COL4A4: variants seen among roughly 807,000 people sequenced by gnomAD.
COL4A4 encodes collagen alpha-4(IV) chain.
In COL4A4, 105 loss-of-function variants were observed where a neutral mutation model predicts 192.9. The observed-to-expected ratio is 0.54, with a 90% CI of 0.46 to 0.64. The LOEUF (loss-of-function observed/expected upper bound fraction) is 0.64, where lower values mean the gene tolerates loss of function less well. Ranked by LOEUF, COL4A4 falls within the 30% of genes least tolerant of loss-of-function variation. The probability of loss-of-function intolerance (pLI) is 0.00; values close to 1 mark genes in which losing one functional copy is unlikely to be tolerated. For missense variants in COL4A4, 1,967 were observed against 2,169.3 expected, an observed-to-expected ratio of 0.91 and a Z score of 1.85; for synonymous variants, 762 against 769.9, an observed-to-expected ratio of 0.99 and a Z score of 0.17.
chr2:227,050,177 A>G, intron 33 of COL4A4, 46 bp from the exon 34 acceptor site: 1 of 1,519,278 alleles, frequency 6.6e-7, no homozygotes, highest in Non-Finnish European at 9.1e-7. Flanking sequence ...TTTCAAATAC[A>G]AATGGCACAT....
At chr2:227,104,296 C>T (rs1021540900) in intron 12 of COL4A4, 9 of 427,078 alleles carry the variant, frequency 2.1e-5, no homozygotes, top group Non-Finnish European at 3.9e-5. Flanking sequence ...CAGGGCCAGG[C>T]GCGGTGGCTC....
At chr2:227,072,150 A>G (rs2058759487) in intron 25 of COL4A4, among the ~76,000 whole-genome samples, 1 of 152,068 alleles carries the variant, frequency 6.6e-6, no homozygotes, top group Non-Finnish European at 1.5e-5. Context: ...TCAATAGACC[A>G]TTAGCTAGAT....
At chr2:226,986,561 C>T in the COL4A4 span, among the ~76,000 whole-genome samples, 1 of 152,088 alleles carries the variant, frequency 6.6e-6, no homozygotes, top group Non-Finnish European at 1.5e-5. Context: ...ATTTATGTGG[C>T]CAAGAAGCAT....
rs1350354171 is a variant in COL4A4 at position 227,025,816 on chromosome 2, G to A, written c.4082-6C>T. Reference sequence around the variant, plus strand: ...GCAAAGCTTACCTCTGGGACCTAGAGGGATCCAAAGACAACAAACGAGGCC... The same window carrying A: ...GCAAAGCTTACCTCTGGGACCTAGAAGGATCCAAAGACAACAAACGAGGCC... On this transcript the variant is annotated splice_region_variant and splice_polypyrimidine_tract_variant and intron_variant, in intron 42 of 47. Coordinates refer to ENST00000396625, the MANE Select transcript of COL4A4 (RefSeq NM_000092.5). 3 of 1,613,052 alleles carry A rather than the reference G, an allele frequency of 1.9e-6. No homozygotes were observed. The highest frequency in any genetic ancestry group is 2.5e-6 in the Non-Finnish European group (3 of 1,179,428).
intron 43 of COL4A4, among the ~76,000 whole-genome samples, chr2:227,024,960 CAGAG>C (rs931573767): frequency 6.6e-6 from 1 of 152,304 alleles, no homozygotes; most frequent in Non-Finnish European, 1.5e-5. Context: ...CATACAATCA[CAGAG>C]AGACAGGATT....
chr2:226,985,618 G>A, the COL4A4 span, among the ~76,000 whole-genome samples: 1 of 152,250 alleles, frequency 6.6e-6, no homozygotes, highest in Non-Finnish European at 1.5e-5. Flanking sequence ...AAAGGCTGAT[G>A]TACATCGGAG....
intron 12 of COL4A4, among the ~76,000 whole-genome samples, chr2:227,108,122 T>G (rs1363330634): frequency 6.6e-6 from 1 of 152,032 alleles, no homozygotes; most frequent in Non-Finnish European, 1.5e-5. Flanking sequence ...ACAGTGGGTG[T>G]GAGTGGCAGG....
At chr2:227,065,894 A>C (rs898451605) in intron 25 of COL4A4, among the ~76,000 whole-genome samples, 14 of 152,258 alleles carry the variant, frequency 9.2e-5, no homozygotes, top group East Asian at 5.8e-4. Context: ...TGACGAGCTG[A>C]GAGAAGAAGG....
rs2061900708 is a variant in COL4A4 at position 227,123,232 on chromosome 2, G to A, written c.193-2084C>T. On this transcript the variant is annotated intron_variant, in intron 4 of 47. Transcript: ENST00000396625. The surrounding 1 kb of genome is among the most constrained non-coding windows in gnomAD (Gnocchi z 4.6). Reference sequence around the variant, plus strand: ...CAGACACCAGGAGGGAGATGGGGCAGGAGCCCCGTAAAAATAGTGCAAGAA... The same window carrying A: ...CAGACACCAGGAGGGAGATGGGGCAAGAGCCCCGTAAAAATAGTGCAAGAA... 1.3e-5 allele frequency among the ~76,000 whole-genome samples: 2 copies of A among 152,198 alleles called. No homozygotes were observed. Among genetic ancestry groups the A allele is most frequent in the Non-Finnish European group, 2.9e-5 (2 of 68,036 alleles).
the COL4A4 span, among the ~76,000 whole-genome samples, chr2:226,987,164 C>G: frequency 6.6e-6 from 1 of 152,058 alleles, no homozygotes; most frequent in South Asian, 2.1e-4. Flanking sequence ...ACATCACAGA[C>G]CAGGGCCTGT....
At position 227,027,218 on chromosome 2, in the gene COL4A4, C is replaced by T. The variant is rs570664411; in HGVS notation, c.4081+684G>A. On this transcript the variant is annotated intron_variant, in intron 42 of 47. Transcript: ENST00000396625. ...AGTGAGCTGAGATCACACCACTGCACTCCAGCCTGGATGACAGAGCAAGAC... is the reference window on the plus strand; with the variant it reads ...AGTGAGCTGAGATCACACCACTGCATTCCAGCCTGGATGACAGAGCAAGAC... Among the ~76,000 whole-genome samples the T allele has an allele frequency of 8.8e-5, 13 of 147,858 alleles. No homozygotes were observed. In the Admixed American group the frequency reaches 8.9e-4, roughly 10 times the overall value.
rs1054199177 is a variant in COL4A4 at position 227,003,138 on chromosome 2, C to G, written c.*4187G>C. On this transcript the variant is annotated 3_prime_UTR_variant, in exon 48 of 48. Transcript: ENST00000396625. ...AACTTTGAGGATTGAAATGAAACAG[C>G]ATTCCCAATGACATTAAGAATTGGC... The G allele has an allele frequency of 6.6e-6, 1 of 152,146 alleles. No homozygotes were observed. Among genetic ancestry groups the G allele is most frequent in the Non-Finnish European group, 1.5e-5 (1 of 68,022 alleles). The allele number at this position is 152,146 out of a possible 1,614,324, so 9.4% of individuals were successfully genotyped here. A position where few individuals can be genotyped will look rare whatever the true frequency, so the allele number is the denominator to read the frequency against.
chr2:226,975,851 T>C, the COL4A4 span, among the ~76,000 whole-genome samples: 5 of 152,122 alleles, frequency 3.3e-5, no homozygotes, highest in South Asian at 2.1e-4. Flanking sequence ...TTGTCACCAA[T>C]AGATAGCAGG....
Position 227,039,796 on chromosome 2 carries a change from C to T in COL4A4, c.3505+2352G>A, listed in dbSNP as rs530537023. On this transcript the variant is annotated intron_variant, in intron 37 of 47. Coordinates refer to ENST00000396625, the MANE Select transcript of COL4A4 (RefSeq NM_000092.5). ...AGAGATGGTCAGAGACAGGAAATGG[C>T]CACAATCACCACAGAAACTTTCAAA... 2.0e-5 allele frequency among the ~76,000 whole-genome samples: 3 copies of T among 152,294 alleles called. No homozygotes were observed. In the South Asian group the frequency reaches 6.2e-4, roughly 32 times the overall value.
At chr2:227,104,258 AATGAAAAT>A in intron 12 of COL4A4, 1 of 577,762 alleles carries the variant, frequency 1.7e-6, no homozygotes. Flanking sequence ...AAATTTAAAA[AATGAAAAT>A]GATTCTTAAT....
chr2:226,967,749 C>G, the COL4A4 span, among the ~76,000 whole-genome samples: 1 of 151,894 alleles, frequency 6.6e-6, no homozygotes, highest in Non-Finnish European at 1.5e-5. Flanking sequence ...TGTCCACACC[C>G]CCAAGAGGCA....
intron 18 of COL4A4, 90 bp from the exon 19 acceptor site, chr2:227,098,888 G>A: frequency 3.9e-6 from 4 of 1,035,520 alleles, no homozygotes; most frequent in Non-Finnish European, 5.9e-6. Context: ...ACTCAGTAAA[G>A]TATAATTAGG....
At chr2:227,047,731 C>CCACACACA (rs71036155) in intron 34 of COL4A4, among the ~76,000 whole-genome samples, 182 bp from the exon 35 acceptor site, 18,737 of 146,202 alleles carry the variant, frequency 0.13, 1,275 homozygotes, top group Admixed American at 0.19. Flanking sequence ...AATTTACATA[C>CCACACACA]CACACACACA....
At chr2:227,113,212 C>T (rs2061317549) in intron 8 of COL4A4, among the ~76,000 whole-genome samples, 1 of 152,136 alleles carries the variant, frequency 6.6e-6, no homozygotes, top group Admixed American at 6.5e-5. Context: ...CATGTAGTTG[C>T]CAACAATTGC....
Sources: allele counts gnomAD v4.1 joint callset (sites outside exome capture counted in the v4.1 genomes callset), GRCh38; gene constraint gnomAD v4.1.1; non-coding constraint Gnocchi (gnomAD v3.1); transcripts MANE v1.5; gene names NCBI Gene and HGNC (gene_info 2026-07-23, HGNC 2026-07-21).